Variants in SAXO5 observed in about 807,000 individuals in gnomAD.
The protein encoded by SAXO5 is testis expressed 45.
the SAXO5 span, chr19:7,507,245 C>A: frequency 9.8e-7 from 1 of 1,017,774 alleles, no homozygotes; most frequent in South Asian, 1.4e-5. Flanking sequence ...AGTTAGTGAT[C>A]ACCCAGGCTC....
chr19:7,506,375 G>A, the SAXO5 span: 4 of 565,442 alleles, frequency 7.1e-6, no homozygotes, highest in Non-Finnish European at 1.2e-5. Context: ...TCCCCTGAAA[G>A]GCTAAATCCC....
the SAXO5 span, chr19:7,501,381 G>A: frequency 6.6e-7 from 1 of 1,504,450 alleles, no homozygotes; most frequent in East Asian, 2.6e-5. Flanking sequence ...GCAGCCTCGC[G>A]CGCCCAGTTG....
At chr19:7,500,939 G>A in the SAXO5 span, 1 of 1,581,384 alleles carries the variant, frequency 6.3e-7, no homozygotes, top group Non-Finnish European at 8.5e-7. Context: ...AGGGCACCAT[G>A]CGCACCACGT....
the SAXO5 span, chr19:7,506,521 T>G: frequency 2.7e-6 from 1 of 372,152 alleles, no homozygotes; most frequent in Non-Finnish European, 5.1e-6. Context: ...CAGTCTTAAC[T>G]CCTCTTCCAT....
At chr19:7,497,937 G>T in the SAXO5 span, among the ~76,000 whole-genome samples, 1 of 152,022 alleles carries the variant, frequency 6.6e-6, no homozygotes, top group South Asian at 2.1e-4. Flanking sequence ...GATCACCTGA[G>T]GCTAGGAGTT....
At chr19:7,507,024 C>T in the SAXO5 span, 84 of 1,583,542 alleles carry the variant, frequency 5.3e-5, no homozygotes, top group African/African-American at 1.0e-3. Flanking sequence ...GGCCCACAGC[C>T]CTCACTCAGC....
the SAXO5 span, chr19:7,501,233 G>T: frequency 5.1e-6 from 8 of 1,553,932 alleles, no homozygotes; most frequent in Non-Finnish European, 2.6e-6. Flanking sequence ...GGCCCGAGCT[G>T]CCGGCGCGCA....
the SAXO5 span, chr19:7,507,153 G>A: frequency 5.8e-5 from 93 of 1,610,556 alleles, no homozygotes; most frequent in Admixed American, 1.3e-3. Flanking sequence ...TAAGGGAGGC[G>A]GAGGGGAGCC....
At chr19:7,505,927 G>C in the SAXO5 span, 9 of 1,529,506 alleles carry the variant, frequency 5.9e-6, no homozygotes, top group African/African-American at 1.4e-5. Flanking sequence ...GGGACCTCTC[G>C]GACGCCGGAG....
the SAXO5 span, chr19:7,508,361 C>CCCGCCCCCTGACTCATCA: frequency 6.2e-7 from 1 of 1,613,830 alleles, no homozygotes. Flanking sequence ...CTCACCAGCG[C>CCCGCCCCCTGACTCATCA]GGCTGCAGGG....
chr19:7,499,570 A>C, the SAXO5 span: 1 of 152,678 alleles, frequency 6.5e-6, no homozygotes, highest in East Asian at 1.9e-4. Flanking sequence ...ATACAGTAGA[A>C]TGCAGTGGTT....
the SAXO5 span, among the ~76,000 whole-genome samples, chr19:7,500,213 C>A: frequency 8.5e-5 from 13 of 152,084 alleles, no homozygotes; most frequent in Admixed American, 3.3e-4. Context: ...AGTTCCCCAC[C>A]CCTGCTGGCC....
At chr19:7,498,400 T>C in the SAXO5 span, among the ~76,000 whole-genome samples, 3,514 of 146,174 alleles carry the variant, frequency 0.024, 60 homozygotes, top group Middle Eastern at 0.052. Context: ...TTTCTTTTTT[T>C]TTTTTTTTTT....
At chr19:7,504,254 C>G in the SAXO5 span, 4 of 1,613,034 alleles carry the variant, frequency 2.5e-6, no homozygotes, top group African/African-American at 2.7e-5. Flanking sequence ...GGGCTGCAGG[C>G]GGGGGCAGAA....
At chr19:7,505,776 C>G in the SAXO5 span, 1 of 930,400 alleles carries the variant, frequency 1.1e-6, no homozygotes, top group Non-Finnish European at 1.6e-6. Context: ...GTCACTTAAC[C>G]ACTCCGATCC....
the SAXO5 span, among the ~76,000 whole-genome samples, chr19:7,500,638 G>C: frequency 3.4e-4 from 51 of 152,230 alleles, no homozygotes; most frequent in African/African-American, 1.2e-3. Context: ...GCTCTCGCTG[G>C]GGGAAGGCAC....
chr19:7,505,224 C>G, the SAXO5 span: 1 of 1,117,412 alleles, frequency 8.9e-7, no homozygotes, highest in Non-Finnish European at 1.4e-6. Flanking sequence ...CTCAGGTGAT[C>G]CACCCACCTC....
chr19:7,506,008 G>A, the SAXO5 span: 3 of 1,604,794 alleles, frequency 1.9e-6, no homozygotes, highest in Non-Finnish European at 2.6e-6. Flanking sequence ...TGCCTCATGA[G>A]AAATTGCAGA....
the SAXO5 span, among the ~76,000 whole-genome samples, chr19:7,503,137 C>T: frequency 2.6e-5 from 4 of 152,160 alleles, no homozygotes; most frequent in African/African-American, 7.2e-5. Flanking sequence ...CTGAGGCAGG[C>T]GGATCACTTG....
Sources: gnomAD v4.1 joint callset for allele counts (sites outside exome capture counted in the v4.1 genomes callset) on GRCh38, gnomAD v4.1.1 for gene constraint, MANE v1.5 for transcripts, NCBI Gene and HGNC (gene_info 2026-07-23, HGNC 2026-07-21) for gene names.